The following SNTG1 variants were observed in gnomAD, a reference collection of about 807,000 sequenced individuals.
SNTG1 encodes gamma-1-syntrophin.
SNTG1 carries 39 observed loss-of-function variants against 74.7 expected under a neutral mutation model. The observed-to-expected ratio is 0.52, with a 90% CI of 0.40 to 0.68. The LOEUF (loss-of-function observed/expected upper bound fraction) is 0.68. Among genes scored for constraint, SNTG1 ranks in the 30% least tolerant of loss-of-function variants. The pLI is 0.00. For missense variants in SNTG1, 685 were observed against 609.5 expected (o/e 1.12, Z -1.30); for synonymous variants, 254 against 217.1 (o/e 1.17, Z -1.49).
chr8:49,984,260 CA>C (rs773130549), intron 1 of SNTG1, among the ~76,000 whole-genome samples: 49 of 151,722 alleles, frequency 3.2e-4, no homozygotes, highest in African/African-American at 1.2e-3. Context: ...GGCTGGAGTG[CA>C]ATGACATGAT....
chr8:50,286,633 C>A (rs952851856), intron 2 of SNTG1: 1 of 152,086 alleles, frequency 6.6e-6, no homozygotes, highest in Admixed American at 6.6e-5. Flanking sequence ...CGGCTTCAAC[C>A]CAACATTATT....
At chr8:50,031,351 G>T (rs1199806884) in intron 1 of SNTG1, among the ~76,000 whole-genome samples, 1 of 151,754 alleles carries the variant, frequency 6.6e-6, no homozygotes, top group Non-Finnish European at 1.5e-5. Context: ...TGCCTTACTG[G>T]ACTGTCTATA....
intron 1 of SNTG1, among the ~76,000 whole-genome samples, chr8:50,122,189 C>A (rs1424223579): frequency 7.1e-6 from 1 of 141,816 alleles, no homozygotes; most frequent in African/African-American, 2.6e-5. Context: ...CCTCTGTAGG[C>A]CACGCTGCCT....
intron 4 of SNTG1, among the ~76,000 whole-genome samples, chr8:50,424,094 T>C (rs1458378953): frequency 6.6e-6 from 1 of 152,074 alleles, no homozygotes; most frequent in Non-Finnish European, 1.5e-5. Context: ...AAACATGATG[T>C]TTGCTTTTGG....
intron 18 of SNTG1, chr8:50,762,623 G>T: frequency 2.3e-6 from 1 of 428,498 alleles, no homozygotes. Context: ...CTCTCCCCAG[G>T]TGATGCCTTT....
intron 13 of SNTG1, among the ~76,000 whole-genome samples, chr8:50,610,881 C>A (rs538238703): frequency 6.6e-6 from 1 of 151,940 alleles, no homozygotes; most frequent in Non-Finnish European, 1.5e-5. Flanking sequence ...AATCATTGTT[C>A]GTGACTGTTT....
chr8:50,360,229 A>G (rs546841752), intron 2 of SNTG1, among the ~76,000 whole-genome samples: 72 of 152,252 alleles, frequency 4.7e-4, no homozygotes, highest in African/African-American at 1.6e-3. Flanking sequence ...TTCGCAGTGA[A>G]TTACATGTAC....
chr8:50,681,023 C>T (rs751336255), intron 15 of SNTG1, among the ~76,000 whole-genome samples: 7 of 151,858 alleles, frequency 4.6e-5, no homozygotes, highest in Admixed American at 1.3e-4. Context: ...GAAATGCTTT[C>T]AAGTAAAAAA....
At chr8:50,216,159 G>T (rs958059745) in intron 2 of SNTG1, among the ~76,000 whole-genome samples, 1 of 152,054 alleles carries the variant, frequency 6.6e-6, no homozygotes, top group South Asian at 2.1e-4. Flanking sequence ...AGATTGATTT[G>T]CTCCTTCTGT....
At chr8:50,492,265 T>G (rs766383451) in intron 8 of SNTG1, among the ~76,000 whole-genome samples, 1 of 152,162 alleles carries the variant, frequency 6.6e-6, no homozygotes, top group Admixed American at 6.6e-5. Flanking sequence ...ATAGGATTGG[T>G]GGGTTAAATG....
At chr8:50,498,524 C>G (rs310561) in intron 8 of SNTG1, among the ~76,000 whole-genome samples, 106,168 of 151,654 alleles carry the variant, frequency 0.7, 39,611 homozygotes, top group East Asian at 0.84. Flanking sequence ...AAAAGATTTA[C>G]AAATATTTTC....
intron 1 of SNTG1, among the ~76,000 whole-genome samples, chr8:49,981,805 T>C (rs963814944): frequency 1.3e-5 from 2 of 152,202 alleles, no homozygotes; most frequent in African/African-American, 4.8e-5. Flanking sequence ...ATTAAAAATA[T>C]TACAAACAAA....
intron 12 of SNTG1, among the ~76,000 whole-genome samples, chr8:50,579,979 G>C (rs149636058): frequency 5.3e-5 from 8 of 152,160 alleles, no homozygotes; most frequent in African/African-American, 1.9e-4. Flanking sequence ...GGCTTGCACC[G>C]TGTGCTGGGA....
chr8:50,346,175 A>G (rs940126969), intron 2 of SNTG1, among the ~76,000 whole-genome samples: 4 of 152,244 alleles, frequency 2.6e-5, no homozygotes, highest in Non-Finnish European at 5.9e-5. Flanking sequence ...TTATAAATCA[A>G]AGGTTTGTGA....
intron 8 of SNTG1, among the ~76,000 whole-genome samples, chr8:50,465,523 A>G (rs557320545): frequency 6.6e-6 from 1 of 152,310 alleles, no homozygotes; most frequent in South Asian, 2.1e-4. Context: ...ACACCTGCAC[A>G]GTATCATGTA....
At position 50,199,975 on chromosome 8, in the gene SNTG1, A is replaced by C. The variant is rs1020983618; in HGVS notation, c.-28+27340A>C. ...AGGATGATAGGCAAGGAGTGCAATT[A>C]GCTATTTGTATCATTCCCCCAACAA... On this transcript the variant is annotated intron_variant, in intron 2 of 18. Transcript: ENST00000642720. Among the ~76,000 whole-genome samples the C allele has an allele frequency of 8.6e-5, 13 of 150,986 alleles. No individual in the cohort carries two copies. In the Admixed American group the frequency reaches 8.6e-4, roughly 10 times the overall value.
chr8:50,459,102 G>A (rs2093535839), intron 8 of SNTG1, among the ~76,000 whole-genome samples: 1 of 152,072 alleles, frequency 6.6e-6, no homozygotes, highest in South Asian at 2.1e-4. Flanking sequence ...TATACAGTAA[G>A]GTAAGGTGTC....
intron 1 of SNTG1, among the ~76,000 whole-genome samples, chr8:50,162,888 G>A (rs765535838): frequency 2.2e-4 from 33 of 152,104 alleles, no homozygotes; most frequent in Non-Finnish European, 4.0e-4. Context: ...TGGGAGCCTG[G>A]ACCCAGAAAC....
chr8:50,545,518 G>A (rs1354317068), intron 11 of SNTG1, among the ~76,000 whole-genome samples: 2 of 148,884 alleles, frequency 1.3e-5, no homozygotes, highest in East Asian at 1.9e-4. Flanking sequence ...TTGAATTTGA[G>A]AAGTATAATT....
Sources: gnomAD v4.1 joint callset for allele counts (sites outside exome capture counted in the v4.1 genomes callset) on GRCh38, gnomAD v4.1.1 for gene constraint, MANE v1.5 for transcripts, NCBI Gene and HGNC (gene_info 2026-07-23, HGNC 2026-07-21) for gene names.